SPIRE2: variants seen among roughly 807,000 people sequenced by gnomAD.
The protein encoded by SPIRE2 is spire type actin nucleation factor 2.
In SPIRE2, 76 loss-of-function variants were observed where a neutral mutation model predicts 80.7. The ratio of observed to expected loss-of-function variants is 0.94; its 90% CI spans 0.78 to 1.14. The LOEUF (loss-of-function observed/expected upper bound fraction) is 1.14, where lower values mean the gene tolerates loss of function less well. Ranked by LOEUF, SPIRE2 falls within the 50% of genes most tolerant of loss-of-function variation. The pLI is 0.00. For missense variants in SPIRE2, 1,196 were observed against 1,015.3 expected (o/e 1.18, Z -2.42); for synonymous variants, 535 against 432.6 (o/e 1.24, Z -2.94).
chr16:89,837,745 G>C (rs752518952), intron 1 of SPIRE2, among the ~76,000 whole-genome samples: 1 of 152,210 alleles, frequency 6.6e-6, no homozygotes, highest in Non-Finnish European at 1.5e-5. Flanking sequence ...GGCATCCTGG[G>C]TTCTTGTTGA....
intron 3 of SPIRE2, 93 bp from the exon 4 acceptor site, chr16:89,854,193 C>T (rs1029103134): frequency 8.5e-7 from 1 of 1,176,470 alleles, no homozygotes; most frequent in African/African-American, 1.5e-5. Context: ...GAGTGGAGCC[C>T]CCGTGACGTG....
chr16:89,855,423 T>C (rs1331265609), intron 5 of SPIRE2, among the ~76,000 whole-genome samples, 177 bp from the exon 6 acceptor site: 2 of 152,074 alleles, frequency 1.3e-5, no homozygotes, highest in African/African-American at 4.8e-5. Context: ...GCCCAGAGCA[T>C]GGCCTGTGGA....
intron 1 of SPIRE2, among the ~76,000 whole-genome samples, chr16:89,835,734 G>C (rs1018858065): frequency 6.6e-6 from 1 of 152,340 alleles, no homozygotes; most frequent in Admixed American, 6.5e-5. Flanking sequence ...AGGCAAATCA[G>C]CCCGTGCCGG....
intron 1 of SPIRE2, among the ~76,000 whole-genome samples, chr16:89,834,958 C>G (rs1438920941): frequency 1.3e-5 from 2 of 148,724 alleles, no homozygotes; most frequent in African/African-American, 5.0e-5. Context: ...TCGCGGCTGG[C>G]CGTCGTAGAA....
chr16:89,836,365 C>T (rs1373179825), intron 1 of SPIRE2: 6 of 405,086 alleles, frequency 1.5e-5, no homozygotes, highest in Admixed American at 8.5e-5. Context: ...CCGACTGCAG[C>T]GGACCGGGGG....
rs554221600 is a variant in SPIRE2 at position 89,866,901 on chromosome 16, G to A, written c.1779-1288G>A. 5.3e-5 allele frequency among the ~76,000 whole-genome samples: 8 copies of A among 152,226 alleles called. No individual in the cohort carries two copies. The East Asian group carries it at 9.6e-4, about 18-fold the overall frequency. ...TGGGATTACAGGCTTGAGCCACCGC[G>A]CCCAGCCTTGAATTTTTTATAAGAA... On this transcript the variant is annotated intron_variant, in intron 12 of 14. Transcript: ENST00000378247.
chr16:89,834,294 T>C (rs56185230), intron 1 of SPIRE2, among the ~76,000 whole-genome samples: 4 of 136,808 alleles, frequency 2.9e-5, no homozygotes, highest in East Asian at 2.0e-4. Flanking sequence ...GCGCTCGCGG[T>C]TGGCCGTCGT....
intron 1 of SPIRE2, among the ~76,000 whole-genome samples, chr16:89,838,355 G>C (rs895680081): frequency 2.6e-5 from 4 of 151,856 alleles, no homozygotes; most frequent in African/African-American, 7.3e-5. Flanking sequence ...GCTAATTTTT[G>C]TATTTTTTAG....
rs115563842 is a variant in SPIRE2 at position 89,839,480 on chromosome 16, C to T, written c.245-5842C>T. The stretch of plus-strand genomic sequence containing the variant: ...GGGGGCGGCGCTGATTTGAAAGTTG[C>T]TGCAGGGTGCCTGCTTTGGGCTGTT... On this transcript the variant is annotated intron_variant, in intron 1 of 14. Transcript: ENST00000378247. Among the ~76,000 whole-genome samples, 1,278 of 151,932 alleles carry T rather than the reference C, an allele frequency of 8.4e-3. 16 individuals are homozygous for T. Among genetic ancestry groups the T allele is most frequent in the African/African-American group, 0.03 (1,227 of 41,418 alleles).
chr16:89,857,225 C>G (rs949080626), intron 7 of SPIRE2, among the ~76,000 whole-genome samples: 3 of 151,118 alleles, frequency 2.0e-5, no homozygotes, highest in South Asian at 2.1e-4. Flanking sequence ...CAGCCTCAAC[C>G]TCTCAGGCTC....
Position 89,834,018 on chromosome 16 carries a change from G to T in SPIRE2, c.244+5224G>T, listed in dbSNP as rs965802531. On this transcript the variant is annotated intron_variant, in intron 1 of 14. Transcript: ENST00000378247. ...GATATAGTCTCACCTCTGAGCAAGG[G>T]TTACCTCACAGGAAGGCAGTCCTGC... is the stretch of plus-strand genomic sequence containing the variant. 5.9e-5 allele frequency among the ~76,000 whole-genome samples: 9 copies of T among 152,318 alleles called. No individual in the cohort carries two copies. In the East Asian group the frequency reaches 1.7e-3, roughly 29 times the overall value.
intron 1 of SPIRE2, among the ~76,000 whole-genome samples, chr16:89,833,313 T>TGGGG (rs2041406240): frequency 6.6e-6 from 1 of 150,806 alleles, no homozygotes; most frequent in Admixed American, 6.6e-5. Context: ...TTAGTAGAGA[T>TGGGG]GGGGTTTCAC....
rs1358173128 is a variant in SPIRE2 at position 89,857,951 on chromosome 16, C to T, written c.1103-387C>T. 4.2e-5 allele frequency among the ~76,000 whole-genome samples: 6 copies of T among 143,176 alleles called. No individual in the cohort carries two copies. In the East Asian group the frequency reaches 8.4e-4, roughly 20 times the overall value. 93.9% of individuals were successfully genotyped at this position (143,176 alleles called of 152,430 possible). On this transcript the variant is annotated intron_variant, in intron 7 of 14. Transcript: ENST00000378247. Reference sequence around the variant, plus strand: ...AGGCTGGAGTGCAGTGGCGTGATCTCGGCTCACTGCAAGCTCTACCTCCTG... The same window carrying T: ...AGGCTGGAGTGCAGTGGCGTGATCTTGGCTCACTGCAAGCTCTACCTCCTG...
In SPIRE2 at chr16:89,863,265, C is replaced by A; in HGVS notation, c.1576-211C>A. 1 of 601,158 alleles carries A rather than the reference C, an allele frequency of 1.7e-6. No individual in the cohort carries two copies. The highest frequency in any genetic ancestry group is 2.9e-5 in the East Asian group (1 of 34,986). The allele number at this position is 601,158 out of a possible 1,614,324, so 37.2% of individuals were successfully genotyped here. On this transcript the variant is annotated intron_variant, in intron 10 of 14. Transcript: ENST00000378247. The surrounding 1 kb of genome is among the most constrained non-coding windows in gnomAD (Gnocchi z 4.3). Reference sequence around the variant, plus strand: ...GAAGGCTGGGCTGGCCGGCAGGGTCCGCTGGTCATGGGAGGCCTGGCCTGC... The same window carrying A: ...GAAGGCTGGGCTGGCCGGCAGGGTCAGCTGGTCATGGGAGGCCTGGCCTGC...
At position 89,850,557 on chromosome 16, in the gene SPIRE2, AC is replaced by A. The variant is rs1354179460; in HGVS notation, c.547del (p.Arg183GlyfsTer75). 1.3e-6 allele frequency: 2 copies of A among 1,510,966 alleles called. No homozygotes were observed. Among genetic ancestry groups the A allele is most frequent in the Non-Finnish European group, 8.8e-7 (1 of 1,134,212 alleles). The allele number at this position is 1,510,966 out of a possible 1,614,324, so 93.6% of individuals were successfully genotyped here. On this transcript the variant is annotated frameshift_variant, in exon 3 of 15. Coordinates refer to ENST00000378247, the MANE Select transcript of SPIRE2 (RefSeq NM_032451.2). LOFTEE classifies it high-confidence loss of function. ...AMRLCAARLTDPRGAQAHYQA... is the reference protein window; with the variant it reads ...AMRLCAARLTXPRGAQAHYQA... The stretch of plus-strand genomic sequence containing the variant: ...CGGCTGTGCGCGGCGCGGCTGACCG[AC>A]CCCCGGGGCGCACAGGCGCATTACC...
At chr16:89,865,599 A>C (rs2041782190) in intron 12 of SPIRE2, among the ~76,000 whole-genome samples, 1 of 152,164 alleles carries the variant, frequency 6.6e-6, no homozygotes, top group Admixed American at 6.5e-5. Flanking sequence ...CTTAAACACA[A>C]CTGTATCTCG....
intron 8 of SPIRE2, among the ~76,000 whole-genome samples, chr16:89,858,816 T>A (rs1466325213): frequency 6.6e-6 from 1 of 152,114 alleles, no homozygotes; most frequent in African/African-American, 2.4e-5. Flanking sequence ...CTAGTTGATG[T>A]GAAAAGGTGG....
rs367603904 is a variant in SPIRE2 at position 89,851,995 on chromosome 16, G to A, written c.645+1335G>A. On this transcript the variant is annotated intron_variant, in intron 3 of 14. Coordinates refer to ENST00000378247, the MANE Select transcript of SPIRE2 (RefSeq NM_032451.2). ...TCGGCCTCATCTGCAGCCCAAGCGT[G>A]TGCCAAGGTTGGACGGCTCTCCCCC... Among the ~76,000 whole-genome samples the A allele has an allele frequency of 3.4e-5, 5 of 147,578 alleles. No individual in the cohort carries two copies. The South Asian group carries it at 6.6e-4, about 19-fold the overall frequency.
chr16:89,849,896 G>C (rs1271218075), intron 2 of SPIRE2: 2 of 344,672 alleles, frequency 5.8e-6, no homozygotes, highest in African/African-American at 2.2e-5. Context: ...GGAGTGCAGA[G>C]GCCCGATCTC....
Sources: gnomAD v4.1 joint callset for allele counts (sites outside exome capture counted in the v4.1 genomes callset) on GRCh38, gnomAD v4.1.1 for gene constraint, Gnocchi (gnomAD v3.1) non-coding constraint, MANE v1.5 for transcripts, NCBI Gene and HGNC (gene_info 2026-07-23, HGNC 2026-07-21) for gene names.